Variants in TNIK observed in about 807,000 individuals in gnomAD.
TNIK encodes the protein TRAF2 and NCK-interacting protein kinase.
Under a neutral mutation model 191.3 loss-of-function variants are expected in TNIK, and 49 were observed. The observed-to-expected ratio is 0.26, with a 90% CI of 0.20 to 0.32. TNIK has a LOEUF of 0.32. Among genes scored for constraint, TNIK ranks in the 10% least tolerant of loss-of-function variants. The pLI, the probability that TNIK is intolerant of heterozygous loss-of-function variation, is 1.00. For missense variants in TNIK, 1,155 were observed against 1,702.3 expected (o/e 0.68, Z 5.66); for synonymous variants, 594 against 600.9 (o/e 0.99, Z 0.17).
chr3:171,435,529 A>T (rs1484479762), intron 1 of TNIK, among the ~76,000 whole-genome samples: 1 of 152,236 alleles, frequency 6.6e-6, no homozygotes, highest in Non-Finnish European at 1.5e-5. Flanking sequence ...CATATTATCA[A>T]GTTAAGAAAG....
chr3:171,102,508 CA>C (rs1214913792), intron 21 of TNIK, among the ~76,000 whole-genome samples: 2 of 152,160 alleles, frequency 1.3e-5, no homozygotes, highest in African/African-American at 2.4e-5. Context: ...TACATGCTTT[CA>C]GAGTAATGCA....
At chr3:171,423,603 C>G (rs895197796) in intron 1 of TNIK, among the ~76,000 whole-genome samples, 1 of 152,128 alleles carries the variant, frequency 6.6e-6, no homozygotes, top group Admixed American at 6.5e-5. Context: ...CTACAGTAAC[C>G]AAAACAGCAT....
chr3:171,428,948 A>G (rs1469450830), intron 1 of TNIK, among the ~76,000 whole-genome samples: 3 of 152,266 alleles, frequency 2.0e-5, no homozygotes, highest in African/African-American at 4.8e-5. Flanking sequence ...CATAGTCTTT[A>G]TGACTGTTTA....
chr3:171,221,307 G>T lies in TNIK; in HGVS notation c.180+6858C>A, dbSNP rs184688750. Among the ~76,000 whole-genome samples the T allele has an allele frequency of 2.2e-3, 336 of 152,266 alleles. 1 individual carries two copies. The highest frequency in any genetic ancestry group is 7.4e-3 in the African/African-American group (308 of 41,566). The stretch of plus-strand genomic sequence containing the variant: ...TCCAGAGGGCCTCTGTGGCAAAGGA[G>T]CTTCAGATGGGAATCCCCAAGCTTT... On this transcript the variant is annotated intron_variant, in intron 3 of 32. Transcript: ENST00000436636.
rs145814852 is a variant in TNIK at position 171,269,602 on chromosome 3, C to A, written c.124-41381G>T. On this transcript the variant is annotated intron_variant, in intron 2 of 32. Transcript: ENST00000436636. ...CAAAACAGAACCACAGACACAATAT[C>A]AGCTTTTTGTTGCTGTTGTCTCAAA... Among the ~76,000 whole-genome samples the A allele has an allele frequency of 5.6e-3, 850 of 152,288 alleles. 30 individuals are homozygous for A. The highest frequency in any genetic ancestry group is 0.05 in the Admixed American group (759 of 15,280).
intron 2 of TNIK, among the ~76,000 whole-genome samples, chr3:171,280,336 C>T (rs1439523846): frequency 2.0e-5 from 3 of 152,190 alleles, no homozygotes; most frequent in Non-Finnish European, 4.4e-5. Flanking sequence ...TTCTAAGAGG[C>T]AACAGAATAC....
chr3:171,369,395 T>G (rs757475967), intron 2 of TNIK, among the ~76,000 whole-genome samples: 1 of 152,186 alleles, frequency 6.6e-6, no homozygotes, highest in Non-Finnish European at 1.5e-5. Flanking sequence ...ATGTGTCACA[T>G]ACAAACACAG....
At chr3:171,168,817 A>G (rs1432552788) in intron 9 of TNIK, among the ~76,000 whole-genome samples, 1 of 152,168 alleles carries the variant, frequency 6.6e-6, no homozygotes, top group Non-Finnish European at 1.5e-5. Context: ...TGCCTGAGCC[A>G]TCTTTGCATC....
chr3:171,233,663 G>A (rs991265887), intron 2 of TNIK, among the ~76,000 whole-genome samples: 7 of 152,214 alleles, frequency 4.6e-5, no homozygotes, highest in African/African-American at 1.7e-4. Flanking sequence ...TGGAGAATGT[G>A]GGAATGGACA....
intron 2 of TNIK, among the ~76,000 whole-genome samples, chr3:171,247,026 G>A (rs540768924): frequency 6.6e-6 from 1 of 152,358 alleles, no homozygotes; most frequent in East Asian, 1.9e-4. Flanking sequence ...GTCTGTGTAT[G>A]GCTATGACAT....
At chr3:171,274,435 A>G (rs974059918) in intron 2 of TNIK, among the ~76,000 whole-genome samples, 1 of 152,244 alleles carries the variant, frequency 6.6e-6, no homozygotes, top group South Asian at 2.1e-4. Flanking sequence ...TACTGGCTGC[A>G]TAATGAATGA....
At chr3:171,393,622 A>G (rs1185133973) in intron 1 of TNIK, among the ~76,000 whole-genome samples, 1 of 152,216 alleles carries the variant, frequency 6.6e-6, no homozygotes, top group African/African-American at 2.4e-5. Context: ...TAGTTTCCTC[A>G]TTCAGCCATT....
At chr3:171,458,788 C>T (rs3947526) in intron 1 of TNIK, among the ~76,000 whole-genome samples, 260 of 152,294 alleles carry the variant, frequency 1.7e-3, no homozygotes, top group Non-Finnish European at 3.3e-3. Context: ...TGAATTCCTT[C>T]TCATCCACCC....
intron 2 of TNIK, among the ~76,000 whole-genome samples, chr3:171,236,581 C>T (rs2109020442): frequency 6.6e-6 from 1 of 152,326 alleles, no homozygotes; most frequent in South Asian, 2.1e-4. Context: ...CTGCCAACAT[C>T]CTTTCACCTC....
chr3:171,172,697 T>C (rs1323334022), intron 9 of TNIK, among the ~76,000 whole-genome samples: 1 of 152,162 alleles, frequency 6.6e-6, no homozygotes, highest in African/African-American at 2.4e-5. Context: ...GTTTCCCCGG[T>C]CTCTCTCTAG....
intron 18 of TNIK, among the ~76,000 whole-genome samples, chr3:171,121,847 T>C (rs1727793500): frequency 6.6e-6 from 1 of 152,186 alleles, no homozygotes; most frequent in South Asian, 2.1e-4. Flanking sequence ...GGGTGTTCTG[T>C]AGGACTGTCC....
intron 2 of TNIK, among the ~76,000 whole-genome samples, chr3:171,255,930 G>A (rs536579643): frequency 3.3e-5 from 5 of 152,302 alleles, no homozygotes; most frequent in African/African-American, 9.6e-5. Flanking sequence ...TGGCTTAGTG[G>A]TGATGGGGGA....
At chr3:171,216,693 G>T (rs1409248788) in intron 3 of TNIK, among the ~76,000 whole-genome samples, 2 of 152,026 alleles carry the variant, frequency 1.3e-5, no homozygotes, top group Non-Finnish European at 2.9e-5. Context: ...AATTAAATGA[G>T]AATTAAACAT....
intron 2 of TNIK, among the ~76,000 whole-genome samples, chr3:171,255,752 G>A (rs1268269094): frequency 2.6e-5 from 4 of 152,032 alleles, no homozygotes; most frequent in Non-Finnish European, 5.9e-5. Context: ...ATATCCTGGA[G>A]TGCCTTTAGA....
Sources: allele counts gnomAD v4.1 joint callset (sites outside exome capture counted in the v4.1 genomes callset), GRCh38; gene constraint gnomAD v4.1.1; transcripts MANE v1.5; gene names NCBI Gene and HGNC (gene_info 2026-07-23, HGNC 2026-07-21).